Variants in PHF8 observed in about 807,000 individuals in gnomAD.
PHF8 encodes the protein PHD finger protein 8, also known as histone lysine demethylase PHF8.
PHF8 carries 9 observed loss-of-function variants against 74.4 expected under a neutral mutation model. The ratio of observed to expected loss-of-function variants is 0.12; its 90% CI spans 0.07 to 0.21. PHF8 has a LOEUF of 0.21. Among genes scored for constraint, PHF8 ranks in the 10% least tolerant of loss-of-function variants. The pLI, the probability that PHF8 is intolerant of heterozygous loss-of-function variation, is 1.00. For missense variants in PHF8, 478 were observed against 816.6 expected (o/e 0.59, Z 5.05); for synonymous variants, 311 against 316.6 (o/e 0.98, Z 0.19).
In PHF8 at chrX:53,962,891, C is replaced by T. The variant is rs2149796421; in HGVS notation, c.2492G>A (p.Arg831Gln). Reference sequence around the variant, plus strand: ...ATCTGAATTCTTCTTTTTCTTGGGTCGAGATTTCAAAGCAGGGTCATCATC... The same window carrying T: ...ATCTGAATTCTTCTTTTTCTTGGGTTGAGATTTCAAAGCAGGGTCATCATC... The part of the protein sequence containing the change: ...SDDDDPALKS[R>Q]PKKKKNSDDA... Residue 831 changes from arginine to glutamine, a missense_variant, in exon 19 of 22, where the codon CGA becomes CAA. Physicochemically the swap from Arg to Gln is conservative, Grantham distance 43 (BLOSUM62 1). This residue lies in a region of PHF8 where 35 missense variants were observed against 78.8 expected (regional missense o/e 0.44). Coordinates refer to ENST00000338154, the MANE Select transcript of PHF8 (RefSeq NM_015107.3). 5.0e-6 allele frequency: 6 copies of T among 1,197,077 alleles called. No homozygotes were observed. The highest frequency in any genetic ancestry group is 1.8e-5 in the South Asian group (1 of 56,606).
chrX:54,036,584 A>C (rs1456689218), intron 2 of PHF8, among the ~76,000 whole-genome samples: 5 of 104,134 alleles, frequency 4.8e-5, no homozygotes, highest in Non-Finnish European at 7.8e-5. Flanking sequence ...AAAAAAAAAA[A>C]AAAAAAAAAA....
In PHF8 at chrX:54,044,046, G is replaced by GCC. The variant is rs1165118375; in HGVS notation, c.-379_-378dup. On this transcript the variant is annotated 5_prime_UTR_variant, in exon 1 of 22. Coordinates refer to ENST00000338154, the MANE Select transcript of PHF8 (RefSeq NM_015107.3). ...GGAACCTCGCTCGCCTTCCCCTCGA[G>GCC]CCCCCCGCTGGGTCGCGCGGCGCCA... 1 of 754,323 alleles carries GCC rather than the reference G, an allele frequency of 1.3e-6. No homozygotes were observed. The highest frequency in any genetic ancestry group is 2.3e-5 in the African/African-American group (1 of 43,778). The allele number at this position is 754,323 out of a possible 1,213,427, so 62.2% of individuals were successfully genotyped here.
At chrX:54,009,102 C>T (rs886645743) in intron 8 of PHF8, among the ~76,000 whole-genome samples, 3 of 110,752 alleles carry the variant, frequency 2.7e-5, no homozygotes, top group African/African-American at 3.3e-5. Context: ...CACTTGAACC[C>T]GGGAGGCGGA....
At chrX:53,960,145 G>A (rs2065079848) in intron 19 of PHF8, among the ~76,000 whole-genome samples, 2 of 108,287 alleles carry the variant, frequency 1.8e-5, no homozygotes, top group South Asian at 4.2e-4. Flanking sequence ...GCGCGATCTC[G>A]GCTCACTGCA....
At chrX:53,991,675 A>C (rs868925171) in intron 14 of PHF8, among the ~76,000 whole-genome samples, 2 of 105,551 alleles carry the variant, frequency 1.9e-5, no homozygotes, top group East Asian at 2.9e-4. Flanking sequence ...AAAAAAAAAA[A>C]AAAAAAAAAA....
At position 53,939,133 on chromosome X, in the gene PHF8, G is replaced by A. The variant is rs1179805664; in HGVS notation, c.*25C>T. The A allele has an allele frequency of 1.7e-6, 2 of 1,204,141 alleles. No individual in the cohort carries two copies. Among genetic ancestry groups the A allele is most frequent in the South Asian group, 1.8e-5 (1 of 56,145 alleles). On this transcript the variant is annotated 3_prime_UTR_variant, in exon 22 of 22. Transcript: ENST00000338154. ...ATGGAGAAGGCAATGGGGGTAAAGG[G>A]GTGAGGGGTGGGACACAGGAGGGCT...
chrX:53,986,476 G>A (rs1648934757), intron 16 of PHF8, among the ~76,000 whole-genome samples: 2 of 112,091 alleles, frequency 1.8e-5, no homozygotes, highest in Non-Finnish European at 3.8e-5. Flanking sequence ...CTCATGATAC[G>A]CCCACCTCAG....
chrX:53,977,627 T>A (rs997554454), intron 18 of PHF8, among the ~76,000 whole-genome samples: 1 of 110,328 alleles, frequency 9.1e-6, no homozygotes, highest in Non-Finnish European at 1.9e-5. Flanking sequence ...AAAACAACCA[T>A]TCTGGGAAAC....
intron 6 of PHF8, among the ~76,000 whole-genome samples, chrX:54,014,791 C>T (rs2066035769): frequency 9.0e-6 from 1 of 111,269 alleles, no homozygotes; most frequent in Non-Finnish European, 1.9e-5. Context: ...CAGGCTTCTC[C>T]AGTCAAAGGT....
At chrX:54,045,345 G>A (rs2066625154), upstream of PHF8, 1 of 117,700 alleles carries the variant, frequency 8.5e-6, no homozygotes, top group Non-Finnish European at 1.8e-5. Flanking sequence ...AATTCTCTAG[G>A]AGTTATCTTA....
intron 21 of PHF8, 69 bp downstream of exon 21, chrX:53,940,111 T>TAGAG: frequency 4.6e-6 from 4 of 871,893 alleles, no homozygotes; most frequent in Non-Finnish European, 6.6e-6. Flanking sequence ...TGTCATCTAC[T>TAGAG]AGAGCACTTA....
chrX:53,951,552 G>A (rs934133917), intron 19 of PHF8, among the ~76,000 whole-genome samples: 1 of 110,448 alleles, frequency 9.1e-6, no homozygotes, highest in African/African-American at 3.3e-5. Context: ...CAGGGTTAAC[G>A]CCATTCTCCT....
intron 8 of PHF8, among the ~76,000 whole-genome samples, chrX:54,004,111 G>A (rs990251136): frequency 1.8e-5 from 2 of 111,833 alleles, no homozygotes; most frequent in Non-Finnish European, 3.8e-5. Flanking sequence ...CAATGCTTGT[G>A]GCCCTAAGTA....
In PHF8 at chrX:54,042,816, G is replaced by A. The variant is rs1326111868; in HGVS notation, c.-88C>T. The A allele has an allele frequency of 8.7e-7, 1 of 1,142,906 alleles. No individual in the cohort carries two copies. Among genetic ancestry groups the A allele is most frequent in the Non-Finnish European group, 1.2e-6 (1 of 855,863 alleles). 94.2% of individuals were successfully genotyped at this position (1,142,906 alleles called of 1,213,427 possible). A position where few individuals can be genotyped will look rare whatever the true frequency, so the allele number is the denominator to read the frequency against. On this transcript the variant is annotated 5_prime_UTR_variant, in exon 2 of 22. Coordinates refer to ENST00000338154, the MANE Select transcript of PHF8 (RefSeq NM_015107.3). The stretch of plus-strand genomic sequence containing the variant: ...GCGGCAGCACGCGTCCTCTCTGGAC[G>A]ATAGCTAGGCACAAATAACACTTTT...
rs1557084395 is a variant in PHF8, at chrX:53,944,182, G to C, written c.2601C>G (p.Ala867=). 4.1e-6 allele frequency: 5 copies of C among 1,208,474 alleles called. No individual in the cohort carries two copies. The Admixed American group carries it at 6.6e-5, about 16-fold the overall frequency. Residue 867 remains alanine (A), a synonymous_variant, in exon 20 of 22, where the codon GCC becomes GCG. Transcript: ENST00000338154. ...DRPVREGTRV[A]SIETGLAAAA... ...CTGCAGCCAAACCTGTCTCAATAGAGGCTACCCGGGTCCCCTCACGCACAG... is the reference window on the plus strand; with the variant it reads ...CTGCAGCCAAACCTGTCTCAATAGACGCTACCCGGGTCCCCTCACGCACAG...
chrX:53,995,823 G>C (rs781996890), intron 11 of PHF8, 41 bp from the exon 12 acceptor site: 2 of 851,699 alleles, frequency 2.3e-6, no homozygotes, highest in South Asian at 4.4e-5. Flanking sequence ...CACACATAAA[G>C]AGACAACTGA....
intron 2 of PHF8, among the ~76,000 whole-genome samples, chrX:54,032,737 G>C (rs2066383397): frequency 9.7e-6 from 1 of 103,522 alleles, no homozygotes; most frequent in Non-Finnish European, 1.9e-5. Context: ...AACAATGCCT[G>C]GCACATAGCA....
At chrX:53,972,052 C>T (rs1047070939) in intron 18 of PHF8, among the ~76,000 whole-genome samples, 3 of 110,990 alleles carry the variant, frequency 2.7e-5, no homozygotes, top group Non-Finnish European at 3.8e-5. Context: ...CGGCCGGCTG[C>T]GGTGGCTCAC....
intron 2 of PHF8, among the ~76,000 whole-genome samples, chrX:54,036,271 ACT>A (rs1348139713): frequency 9.1e-6 from 1 of 110,414 alleles, no homozygotes; most frequent in Non-Finnish European, 1.9e-5. Flanking sequence ...ACCAAGATAG[ACT>A]CTGGGCTATA....
Sources: gnomAD v4.1 joint callset for allele counts (sites outside exome capture counted in the v4.1 genomes callset) on GRCh38, gnomAD v4.1.1 for gene constraint, gnomAD v4.1.1 regional missense constraint, MANE v1.5 for transcripts, NCBI Gene and HGNC (gene_info 2026-07-23, HGNC 2026-07-21) for gene names.